Variants in GRAPL observed in about 807,000 individuals in gnomAD.
GRAPL encodes the protein GRB2 related adaptor protein like, also known as GRB2-related adapter protein-like.
chr17:19,147,184 C>G (rs1338806777), intron 3 of GRAPL, among the ~76,000 whole-genome samples: 1 of 145,936 alleles, frequency 6.9e-6, no homozygotes, highest in Non-Finnish European at 1.5e-5. Flanking sequence ...CTATCTACCT[C>G]CCAGTGGTCA....
intron 3 of GRAPL, among the ~76,000 whole-genome samples, chr17:19,149,532 T>A (rs1238652981): frequency 8.5e-5 from 8 of 93,784 alleles, no homozygotes; most frequent in Middle Eastern, 9.5e-3. Flanking sequence ...GAGGCCGAGG[T>A]GGCTGGATCA....
At chr17:19,148,983 G>T (rs1417114594) in intron 3 of GRAPL, among the ~76,000 whole-genome samples, 49 of 131,958 alleles carry the variant, frequency 3.7e-4, no homozygotes, top group African/African-American at 1.1e-3. Flanking sequence ...TACTTGGGGC[G>T]ATTTGGCGAT....
At position 19,149,328 on chromosome 17, in the gene GRAPL, CAA is replaced by C. The variant is rs1169593968; in HGVS notation, c.300-8964_300-8963del. Among the ~76,000 whole-genome samples the C allele has an allele frequency of 6.3e-4, 8 of 12,634 alleles. 3 individuals are homozygous for C. The East Asian group carries it at 0.5, about 790-fold the overall frequency. 8.3% of individuals were successfully genotyped at this position (12,634 alleles called of 152,430 possible). A position where few individuals can be genotyped will look rare whatever the true frequency, so the allele number is the denominator to read the frequency against. On this transcript the variant is annotated intron_variant, in intron 3 of 3. Coordinates refer to ENST00000344415, the MANE Select transcript of GRAPL (RefSeq NM_001129778.3). Reference sequence around the variant, plus strand: ...TGGGCAACAGAGCAAGACTCTGTCTCAAAAAAAAAAAAAAAAAAAAAAAAAAA... The same window carrying C: ...TGGGCAACAGAGCAAGACTCTGTCTCAAAAAAAAAAAAAAAAAAAAAAAAA...
chr17:19,150,073 C>A (rs1205307360), intron 3 of GRAPL, among the ~76,000 whole-genome samples: 25 of 4,884 alleles, frequency 5.1e-3, no homozygotes, highest in Non-Finnish European at 5.2e-3. Context: ...GACTCCGTCT[C>A]AAAAAAAAAA....
intron 3 of GRAPL, among the ~76,000 whole-genome samples, chr17:19,149,664 A>G (rs1456882806): frequency 1.5e-4 from 15 of 103,000 alleles, no homozygotes; most frequent in South Asian, 1.0e-3. Context: ...GGGAGGCTGA[A>G]GCAAGAGAAT....
At chr17:19,133,625 TGA>T (rs2044652806) in intron 2 of GRAPL, among the ~76,000 whole-genome samples, 1 of 151,098 alleles carries the variant, frequency 6.6e-6, no homozygotes, top group Admixed American at 6.6e-5. Flanking sequence ...AGCATTAAGG[TGA>T]TTTCTCAGGG....
At chr17:19,149,884 G>A (rs1215033647) in intron 3 of GRAPL, among the ~76,000 whole-genome samples, 2 of 68,400 alleles carry the variant, frequency 2.9e-5, no homozygotes, top group Non-Finnish European at 4.2e-5. Flanking sequence ...GACCAGCCTG[G>A]CCAACATGGG....
chr17:19,148,903 G>A (rs1342057958), intron 3 of GRAPL, among the ~76,000 whole-genome samples: 1 of 120,114 alleles, frequency 8.3e-6, no homozygotes. Flanking sequence ...GCGAGACCAC[G>A]CCTCAAAAAA....
intron 3 of GRAPL, among the ~76,000 whole-genome samples, chr17:19,148,843 G>C (rs1374457920): frequency 8.4e-6 from 1 of 118,362 alleles, no homozygotes; most frequent in African/African-American, 3.1e-5. Context: ...GGGAGGCGGA[G>C]CTTGCAGTGA....
In GRAPL at chr17:19,147,066, T is replaced by C. The variant is rs1191779240; in HGVS notation, c.299+8478T>C. The stretch of plus-strand genomic sequence containing the variant: ...GTGTGTGTGTGCGCGCGCGCGCGCG[T>C]GCATGTGTCCCATCAAGGCATCAAG... On this transcript the variant is annotated intron_variant, in intron 3 of 3. Coordinates refer to ENST00000344415, the MANE Select transcript of GRAPL (RefSeq NM_001129778.3). 1.8e-3 allele frequency among the ~76,000 whole-genome samples: 235 copies of C among 128,258 alleles called. 2 individuals carry two copies. The highest frequency in any genetic ancestry group is 3.9e-3 in the Middle Eastern group (1 of 258). The allele number at this position is 128,258 out of a possible 152,430, so 84.1% of individuals were successfully genotyped here.
In GRAPL at chr17:19,147,138, A is replaced by G. The variant is rs540094521; in HGVS notation, c.299+8550A>G. ...TCTCATTTAGCCCAAATGTGAACAA[A>G]AAGATCCCTAGCCTGTGGCTCAGGA... On this transcript the variant is annotated intron_variant, in intron 3 of 3. Transcript: ENST00000344415. Among the ~76,000 whole-genome samples the G allele has an allele frequency of 1.6e-3, 230 of 145,392 alleles. 22 individuals carry two copies. Among genetic ancestry groups the G allele is most frequent in the African/African-American group, 6.0e-3 (225 of 37,376 alleles).
chr17:19,147,042 TGTGTGTGTGC>T (rs2044698421), intron 3 of GRAPL, among the ~76,000 whole-genome samples: 1 of 124,502 alleles, frequency 8.0e-6, no homozygotes, highest in African/African-American at 3.9e-5. Flanking sequence ...TGTGTGTGTG[TGTGTGTGTGC>T]GCGCGCGCGC....
intron 3 of GRAPL, chr17:19,142,928 G>T (rs1348176815): frequency 1.2e-5 from 1 of 81,512 alleles, no homozygotes; most frequent in Non-Finnish European, 1.9e-5. Context: ...ATGATGACTG[G>T]CACATGATAA....
chr17:19,148,688 C>T (rs1217561362), intron 3 of GRAPL, among the ~76,000 whole-genome samples: 2 of 31,546 alleles, frequency 6.3e-5, no homozygotes, highest in Admixed American at 9.9e-4. Flanking sequence ...GGGTGGATCA[C>T]GAGGTCAGGA....
chr17:19,147,057 G>A (rs1353815789), intron 3 of GRAPL, among the ~76,000 whole-genome samples: 22 of 128,656 alleles, frequency 1.7e-4, no homozygotes, highest in East Asian at 5.8e-4. Flanking sequence ...GTGTGCGCGC[G>A]CGCGCGCGTG....
chr17:19,144,235 C>A (rs1416134489), intron 3 of GRAPL: 24 of 270,542 alleles, frequency 8.9e-5, no homozygotes, highest in Non-Finnish European at 1.5e-4. Context: ...GCTCCTGCCC[C>A]CACCCCAGCC....
intron 3 of GRAPL, among the ~76,000 whole-genome samples, chr17:19,148,932 A>T (rs928172368): frequency 7.5e-6 from 1 of 133,616 alleles, no homozygotes; most frequent in Non-Finnish European, 1.6e-5. Flanking sequence ...AAAGAAAAGA[A>T]AAAAGAAAGA....
intron 3 of GRAPL, among the ~76,000 whole-genome samples, chr17:19,147,016 G>GGTGTGTGTGTGTGTGTGT (rs764286470): frequency 3.0e-5 from 3 of 98,556 alleles, no homozygotes; most frequent in African/African-American, 1.9e-4. Context: ...GAGAGGTAGG[G>GGTGTGTGTGTGTGTGTGT]GTGTGTGTGT....
chr17:19,142,983 C>T (rs2044680240), intron 3 of GRAPL: 1 of 97,238 alleles, frequency 1.0e-5, no homozygotes, highest in Admixed American at 1.0e-4. Flanking sequence ...GACTGCACAC[C>T]AAGCTGGGGA....
Sources: gnomAD v4.1 joint callset for allele counts (sites outside exome capture counted in the v4.1 genomes callset) on GRCh38, gnomAD v4.1.1 for gene constraint, MANE v1.5 for transcripts, NCBI Gene and HGNC (gene_info 2026-07-23, HGNC 2026-07-21) for gene names.